SLC7A1: variants seen among roughly 807,000 people sequenced by gnomAD.
SLC7A1 encodes solute carrier family 7 member 1.
Under a neutral mutation model 53.9 loss-of-function variants are expected in SLC7A1, and 10 were observed. The ratio of observed to expected loss-of-function variants is 0.19; its 90% CI spans 0.11 to 0.31. The LOEUF is 0.31. Among genes scored for constraint, SLC7A1 ranks in the 10% least tolerant of loss-of-function variants. SLC7A1 has a pLI of 1.00. For synonymous variants in SLC7A1, 342 were observed against 338.7 expected (o/e 1.01, Z -0.11); for missense variants, 525 against 827.2 (o/e 0.63, Z 4.48).
intron 1 of SLC7A1, among the ~76,000 whole-genome samples, chr13:29,566,064 A>T (rs1399386033): frequency 6.6e-6 from 1 of 152,230 alleles, no homozygotes; most frequent in African/African-American, 2.4e-5. Flanking sequence ...CCAAAACCCA[A>T]GAAAAGGATG....
At chr13:29,591,130 T>A (rs991464680) in intron 1 of SLC7A1, among the ~76,000 whole-genome samples, 2 of 151,976 alleles carry the variant, frequency 1.3e-5, no homozygotes, top group African/African-American at 4.8e-5. Context: ...TATATTTTTC[T>A]CCCACACCTA....
At chr13:29,587,477 TA>T (rs1871931629) in intron 1 of SLC7A1, among the ~76,000 whole-genome samples, 1 of 152,132 alleles carries the variant, frequency 6.6e-6, no homozygotes, top group South Asian at 2.1e-4. Flanking sequence ...AGCCCACTGG[TA>T]GGGGCCAAGA....
At position 29,513,045 on chromosome 13, in the gene SLC7A1, C is replaced by G. The variant is rs769990669; in HGVS notation, c.*1435G>C. On this transcript the variant is annotated 3_prime_UTR_variant, in exon 13 of 13. Transcript: ENST00000380752. ...TCCCCCATCAGCATGGGCCTTCTGT[C>G]TCCTGAAGTAGACTCAGTGGAACGC... 6.6e-6 allele frequency: 1 copy of G among 152,296 alleles called. No homozygotes were observed. Among genetic ancestry groups the G allele is most frequent in the Non-Finnish European group, 1.5e-5 (1 of 68,066 alleles). 9.4% of individuals were successfully genotyped at this position (152,296 alleles called of 1,614,324 possible). A position where few individuals can be genotyped will look rare whatever the true frequency, so the allele number is the denominator to read the frequency against.
rs1474698820 is a variant in SLC7A1, at chr13:29,512,158, A to G, written c.*2322T>C. 3 of 152,170 alleles carry G rather than the reference A, an allele frequency of 2.0e-5. No individual in the cohort carries two copies. Among genetic ancestry groups the G allele is most frequent in the Admixed American group, 6.5e-5 (1 of 15,278 alleles). The allele number at this position is 152,170 out of a possible 1,614,324, so 9.4% of individuals were successfully genotyped here. On this transcript the variant is annotated 3_prime_UTR_variant, in exon 13 of 13. Transcript: ENST00000380752. ...ATAAAAGCACGGTGACCAGTGAACT[A>G]TTATGCAAGGCACCCCCACGTGTCC... is the stretch of plus-strand genomic sequence containing the variant.
At chr13:29,565,766 C>G (rs1870942286) in intron 1 of SLC7A1, among the ~76,000 whole-genome samples, 1 of 152,170 alleles carries the variant, frequency 6.6e-6, no homozygotes, top group South Asian at 2.1e-4. Context: ...GGTGGGCTCC[C>G]CCAGGATGCA....
At chr13:29,518,484 A>T (rs1246935414) in intron 9 of SLC7A1, among the ~76,000 whole-genome samples, 1 of 152,190 alleles carries the variant, frequency 6.6e-6, no homozygotes, top group East Asian at 1.9e-4. Flanking sequence ...TTTGCATATG[A>T]TCAATTCTAA....
intron 2 of SLC7A1, among the ~76,000 whole-genome samples, chr13:29,546,855 A>G (rs1405494250): frequency 6.6e-6 from 1 of 152,210 alleles, no homozygotes; most frequent in East Asian, 1.9e-4. Flanking sequence ...GAAACAGCCA[A>G]CATCACACAA....
rs191472736 is a variant in SLC7A1 at position 29,523,505 on chromosome 13, T to C, written c.827-17A>G. The C allele has an allele frequency of 1.3e-5, 20 of 1,588,814 alleles. No homozygotes were observed. In the Admixed American group the frequency reaches 3.3e-4, roughly 27 times the overall value. ...CCTCTTCACCTAGAAGCACAAGGGG[T>C]CAGCGGAGGAGGGCACACAGCAAGA... On this transcript the variant is annotated splice_polypyrimidine_tract_variant and intron_variant, in intron 6 of 12. Transcript: ENST00000380752.
intron 5 of SLC7A1, among the ~76,000 whole-genome samples, chr13:29,526,197 C>T (rs1022370601): frequency 1.3e-4 from 20 of 152,122 alleles, no homozygotes; most frequent in African/African-American, 3.9e-4. Context: ...CATGGCCTTG[C>T]GTTAAAATAA....
At chr13:29,585,989 G>C (rs563755919) in intron 1 of SLC7A1, among the ~76,000 whole-genome samples, 1 of 152,200 alleles carries the variant, frequency 6.6e-6, no homozygotes, top group African/African-American at 2.4e-5. Flanking sequence ...TCAACCACAG[G>C]ACAGGACAAA....
rs1341489182 is a variant in SLC7A1 at position 29,530,687 on chromosome 13, C to G, written c.555G>C (p.Glu185Asp). 6.2e-7 allele frequency: 1 copy of G among 1,614,140 alleles called. No individual in the cohort carries two copies. The highest frequency in any genetic ancestry group is 8.5e-7 in the Non-Finnish European group (1 of 1,180,002). Residue 185 changes from glutamate to aspartate, a missense_variant, in exon 5 of 13, where the codon GAG (glutamate) becomes GAC (aspartate). Physicochemically the swap from Glu to Asp is conservative, Grantham distance 45. Coordinates refer to ENST00000380752, the MANE Select transcript of SLC7A1 (RefSeq NM_003045.5). ...LTGLLTLGVK[E>D]SAMVNKIFTC... Reference sequence around the variant, plus strand: ...TGAATATTTTGTTGACCATGGCCGACTCTTTCACACCAAGAGTTAAAAGTC... The same window carrying G: ...TGAATATTTTGTTGACCATGGCCGAGTCTTTCACACCAAGAGTTAAAAGTC...
chr13:29,554,314 T>C (rs142084796), intron 1 of SLC7A1, among the ~76,000 whole-genome samples: 6 of 152,284 alleles, frequency 3.9e-5, no homozygotes, highest in Non-Finnish European at 8.8e-5. Flanking sequence ...CTGAAAACAC[T>C]TGGACTCCAA....
intron 4 of SLC7A1, among the ~76,000 whole-genome samples, chr13:29,532,476 G>C (rs1341174701): frequency 6.6e-6 from 1 of 152,138 alleles, no homozygotes; most frequent in Non-Finnish European, 1.5e-5. Context: ...CTTTCCAAAT[G>C]GTCATCCACT....
intron 1 of SLC7A1, among the ~76,000 whole-genome samples, chr13:29,557,166 C>T (rs1401164616): frequency 3.3e-5 from 5 of 152,156 alleles, no homozygotes; most frequent in Admixed American, 6.6e-5. Flanking sequence ...ACGCCTCAGA[C>T]GTAAAGAGTT....
intron 1 of SLC7A1, among the ~76,000 whole-genome samples, chr13:29,561,600 G>A (rs1222608734): frequency 6.6e-6 from 1 of 152,156 alleles, no homozygotes; most frequent in Non-Finnish European, 1.5e-5. Context: ...TGAGTTTTTT[G>A]TTAAAAGCAT....
rs1305569196 is a variant in SLC7A1, at chr13:29,530,824, C to A, written c.530-112G>T. 4 of 733,788 alleles carry A rather than the reference C, an allele frequency of 5.5e-6. No individual in the cohort carries two copies. In the African/African-American group the frequency reaches 7.1e-5, roughly 13 times the overall value. The allele number at this position is 733,788 out of a possible 1,614,324, so 45.5% of individuals were successfully genotyped here. On this transcript the variant is annotated intron_variant, in intron 4 of 12. Coordinates refer to ENST00000380752, the MANE Select transcript of SLC7A1 (RefSeq NM_003045.5). Reference sequence around the variant, plus strand: ...TGAAAAAGAATCCAAGTGCATCGAGCCTCTGCAGACCTCTGTGAGCCTCTG... The same window carrying A: ...TGAAAAAGAATCCAAGTGCATCGAGACTCTGCAGACCTCTGTGAGCCTCTG...
intron 9 of SLC7A1, among the ~76,000 whole-genome samples, 193 bp downstream of exon 9, chr13:29,519,254 G>A (rs1435304964): frequency 6.6e-6 from 1 of 152,116 alleles, no homozygotes; most frequent in Non-Finnish European, 1.5e-5. Context: ...GGGGTGAGGG[G>A]CCACCCAACT....
At chr13:29,556,546 T>G (rs568449609) in intron 1 of SLC7A1, among the ~76,000 whole-genome samples, 3 of 152,110 alleles carry the variant, frequency 2.0e-5, no homozygotes, top group Admixed American at 2.0e-4. Context: ...GCCTGGCTAA[T>G]TTTTGTATTT....
intron 1 of SLC7A1, among the ~76,000 whole-genome samples, chr13:29,557,680 G>C (rs1486779291): frequency 7.5e-6 from 1 of 133,884 alleles, no homozygotes; most frequent in Admixed American, 7.4e-5. Flanking sequence ...GAATGAGGGA[G>C]AGTGAATATG....
Sources: allele counts gnomAD v4.1 joint callset (sites outside exome capture counted in the v4.1 genomes callset), GRCh38; gene constraint gnomAD v4.1.1; transcripts MANE v1.5; gene names NCBI Gene and HGNC (gene_info 2026-07-23, HGNC 2026-07-21).